Variants in CTTN observed in about 807,000 individuals in gnomAD.
CTTN encodes cortactin.
A neutral mutation model predicts 84.0 loss-of-function variants in CTTN; 28 were observed. That is an observed-to-expected ratio of 0.33 (90% CI 0.25 to 0.46). The LOEUF is 0.46. Among genes scored for constraint, CTTN ranks in the 20% least tolerant of loss-of-function variants. The pLI, the probability that CTTN is intolerant of heterozygous loss-of-function variation, is 1.00. For missense variants in CTTN, 641 were observed against 723.8 expected (o/e 0.89, Z 1.31); for synonymous variants, 301 against 288.8 (o/e 1.04, Z -0.43).
intron 11 of CTTN, chr11:70,422,452 A>C (rs2058248447): frequency 1.6e-6 from 2 of 1,218,460 alleles, no homozygotes; most frequent in Non-Finnish European, 2.2e-6. Context: ...GTGTTGCTGC[A>C]ACGGAAGTCT....
intron 17 of CTTN, among the ~76,000 whole-genome samples, chr11:70,434,679 A>G (rs2058394799): frequency 6.6e-6 from 1 of 152,186 alleles, no homozygotes; most frequent in Admixed American, 6.5e-5. Context: ...CGGCCTCCGC[A>G]GCCCATCTCC....
At chr11:70,420,534 G>C (rs367981191) in intron 10 of CTTN, 24 bp downstream of exon 10, 1 of 1,559,274 alleles carries the variant, frequency 6.4e-7, no homozygotes, top group Non-Finnish European at 8.8e-7. Context: ...GCCTGTATGC[G>C]AGATGGTTTT....
At chr11:70,405,072 GT>G (rs1223601275) in intron 1 of CTTN, among the ~76,000 whole-genome samples, 192 bp from the exon 2 acceptor site, 1 of 152,190 alleles carries the variant, frequency 6.6e-6, no homozygotes, top group African/African-American at 2.4e-5. Flanking sequence ...TATTTCTTTA[GT>G]TTCTCTCTGT....
rs768775201 is a variant in CTTN at position 70,433,184 on chromosome 11, C to T, written c.1350C>T (p.Ala450=). 3.1e-5 allele frequency: 50 copies of T among 1,613,504 alleles called. No homozygotes were observed. Among genetic ancestry groups the T allele is most frequent in the East Asian group, 1.3e-4 (6 of 44,884 alleles). The change falls in exon 16 of 18, where the codon GCC becomes GCT. Residue 450 remains alanine (A), a synonymous_variant. Coordinates refer to ENST00000301843, the MANE Select transcript of CTTN (RefSeq NM_005231.4). The stretch of plus-strand genomic sequence containing the variant: ...CGGAGCCCGTGTACAGCATGGAGGC[C>T]GCTGACTACCGAGAGGCCAGCAGCC... ...TEPEPVYSME[A]ADYREASSQQ...
chr11:70,427,725 C>CT (rs1303865195), intron 13 of CTTN, among the ~76,000 whole-genome samples: 1 of 152,224 alleles, frequency 6.6e-6, no homozygotes, highest in African/African-American at 2.4e-5. Flanking sequence ...TGCTGGGTCT[C>CT]TGAGTTGTGC....
intron 7 of CTTN, 23 bp from the exon 8 acceptor site, chr11:70,416,990 T>C (rs775999193): frequency 6.3e-7 from 1 of 1,582,136 alleles, no homozygotes; most frequent in South Asian, 1.1e-5. Context: ...GCCCCCGTGC[T>C]AATTGCTGCC....
In CTTN at chr11:70,433,679, C is replaced by G. The variant is rs2058381421; in HGVS notation, c.1477C>G (p.Leu493Val). 1 of 1,613,770 alleles carries G rather than the reference C, an allele frequency of 6.2e-7. No homozygotes were observed. The highest frequency in any genetic ancestry group is 1.3e-5 in the African/African-American group (1 of 74,912). The part of the protein sequence containing the change: ...DSTYDEYEND[L>V]GITAVALYDY... ...CACCTACGATGAGTACGAGAACGAT[C>G]TGGGGATCACAGCCGTCGCCCTGTA... is the stretch of plus-strand genomic sequence containing the variant. Residue 493 changes from leucine to valine, a missense_variant, in exon 17 of 18, where the codon CTG (leucine) becomes GTG (valine). Physicochemically the swap from Leu to Val is conservative, Grantham distance 32. Coordinates refer to ENST00000301843, the MANE Select transcript of CTTN (RefSeq NM_005231.4).
At chr11:70,412,147 G>T (rs2058102652) in intron 5 of CTTN, among the ~76,000 whole-genome samples, 3 of 152,158 alleles carry the variant, frequency 2.0e-5, no homozygotes, top group Non-Finnish European at 4.4e-5. Context: ...ATAACTCAGG[G>T]CCAGGTACGG....
Position 70,407,334 on chromosome 11 carries a change from G to C in CTTN, c.37G>C (p.Ala13Pro). 6.4e-7 allele frequency: 1 copy of C among 1,558,500 alleles called. No homozygotes were observed. Among genetic ancestry groups the C allele is most frequent in the Non-Finnish European group, 8.7e-7 (1 of 1,151,230 alleles). The change falls in exon 3 of 18, where the codon GCC (alanine) becomes CCC (proline). Residue 13 changes from alanine (A) to proline (P), a missense_variant. By Grantham distance (27) the Ala-to-Pro change is conservative. Transcript: ENST00000301843. ...KASAGHAVSIAQDDAGADDWE... is the reference protein window; with the variant it reads ...KASAGHAVSIPQDDAGADDWE... ...TTCAGCAGGCCACGCTGTGTCCATC[G>C]CCCAGGATGACGCGGGGGCCGATGA...
Position 70,417,091 on chromosome 11 carries a change from A to T in CTTN, c.536A>T (p.Gln179Leu). 1 of 1,614,216 alleles carries T rather than the reference A, an allele frequency of 6.2e-7. No homozygotes were observed. The highest frequency in any genetic ancestry group is 8.5e-7 in the Non-Finnish European group (1 of 1,180,042). ...VDKSAVGFDY[Q>L]GKTEKHESQR... Reference sequence around the variant, plus strand: ...AAGAGCGCGGTGGGCTTCGACTACCAGGGCAAGACGGAGAAGCACGAGTCA... The same window carrying T: ...AAGAGCGCGGTGGGCTTCGACTACCTGGGCAAGACGGAGAAGCACGAGTCA... Residue 179 changes from glutamine to leucine, a missense_variant, in exon 8 of 18, where the codon CAG becomes CTG. By Grantham distance (113) the Gln-to-Leu change is moderately radical. Transcript: ENST00000301843.
chr11:70,433,122 G>A lies in CTTN; in HGVS notation c.1288G>A (p.Glu430Lys), dbSNP rs2058373230. 1 of 1,613,836 alleles carries A rather than the reference G, an allele frequency of 6.2e-7. No individual in the cohort carries two copies. The highest frequency in any genetic ancestry group is 8.5e-7 in the Non-Finnish European group (1 of 1,179,990). ...VYEDAASFKA[E>K]LSYRGPVSGT... ...CCAGGATGCGGCTTCCTTCAAGGCA[G>A]AGCTGAGCTACAGAGGCCCTGTGAG... is the stretch of plus-strand genomic sequence containing the variant. The change falls in exon 16 of 18, where the codon GAG becomes AAG. Residue 430 changes from glutamate (E) to lysine (K), a missense_variant. Around this residue, in one of 3 missense-constraint regions of CTTN, gnomAD observed 289 missense variants for 273.1 expected, o/e 1.06. Coordinates refer to ENST00000301843, the MANE Select transcript of CTTN (RefSeq NM_005231.4).
Position 70,419,812 on chromosome 11 carries a change from GC to G in CTTN, c.636del (p.Phe213LeufsTer17). On this transcript the variant is annotated frameshift_variant, in exon 9 of 18. Coordinates refer to ENST00000301843, the MANE Select transcript of CTTN (RefSeq NM_005231.4). LOFTEE classifies it high-confidence loss of function. ...GACAAAGTGGATAAGAGCGCCGTTG[GC>G]TTTGAGTATCAAGGCAAAACGGAGA... ...DKDKVDKSAV[G>X]FEYQGKTEKH... is the part of the protein sequence containing the mutation. The G allele has an allele frequency of 6.2e-7, 1 of 1,613,558 alleles. No individual in the cohort carries two copies. The highest frequency in any genetic ancestry group is 8.5e-7 in the Non-Finnish European group (1 of 1,179,932).
intron 15 of CTTN, 139 bp from the exon 16 acceptor site, chr11:70,432,962 A>G (rs374275716): frequency 2.4e-5 from 21 of 880,612 alleles, no homozygotes; most frequent in African/African-American, 2.0e-4. Flanking sequence ...TGGCCTTCCT[A>G]TACCGCGTCT....
chr11:70,403,226 G>A (rs1021475227), intron 1 of CTTN, among the ~76,000 whole-genome samples: 2 of 115,814 alleles, frequency 1.7e-5, no homozygotes, highest in African/African-American at 6.7e-5. Context: ...GTCTCACTCT[G>A]TCGCCAGGCT....
chr11:70,415,696 G>C lies in CTTN; in HGVS notation c.436G>C (p.Glu146Gln), dbSNP rs939803104. 4.3e-6 allele frequency: 7 copies of C among 1,614,100 alleles called. No homozygotes were observed. Among genetic ancestry groups the C allele is most frequent in the Non-Finnish European group, 5.9e-6 (7 of 1,180,008 alleles). The change falls in exon 7 of 18, where the codon GAG becomes CAG. Residue 146 changes from glutamate (E) to glutamine (Q), a missense_variant. Glu to Gln is a conservative substitution (Grantham distance 29). Around this residue, in one of 3 missense-constraint regions of CTTN, gnomAD observed 284 missense variants for 348.4 expected, o/e 0.82. Transcript: ENST00000301843. ...AVGFEYQGKT[E>Q]KHASQKDYSS... ...AGGCTTTGAATACCAGGGGAAGACT[G>C]AGAAGCATGCCTCCCAGAAAGGTAA...
intron 5 of CTTN, among the ~76,000 whole-genome samples, chr11:70,411,945 T>C (rs2058100806): frequency 6.6e-6 from 1 of 152,140 alleles, no homozygotes; most frequent in African/African-American, 2.4e-5. Flanking sequence ...TGCCCCCCCC[T>C]TAGGCCAGTG....
intron 12 of CTTN, 89 bp downstream of exon 12, chr11:70,423,084 C>A: frequency 6.8e-7 from 1 of 1,473,226 alleles, no homozygotes; most frequent in Non-Finnish European, 9.4e-7. Context: ...CATCCACGCG[C>A]TGGGGTGGGG....
intron 2 of CTTN, 42 bp from the exon 3 acceptor site, chr11:70,407,256 G>A (rs2058049932): frequency 6.6e-7 from 1 of 1,512,830 alleles, no homozygotes; most frequent in African/African-American, 1.4e-5. Context: ...TCTGTGGATG[G>A]CGCCCTGAGG....
At chr11:70,422,126 T>C (rs958296133) in intron 11 of CTTN, 12 of 266,188 alleles carry the variant, frequency 4.5e-5, no homozygotes, top group African/African-American at 1.1e-4. Context: ...TGACACCATA[T>C]GTGTGTAACA....
Sources: gnomAD v4.1 joint callset for allele counts (sites outside exome capture counted in the v4.1 genomes callset) on GRCh38, gnomAD v4.1.1 for gene constraint, gnomAD v4.1.1 regional missense constraint, MANE v1.5 for transcripts, NCBI Gene and HGNC (gene_info 2026-07-23, HGNC 2026-07-21) for gene names.